The following MYH7 variants were observed in gnomAD, a reference collection of about 807,000 sequenced individuals.
MYH7 encodes myosin-7.
In MYH7, 129 loss-of-function variants were observed where a neutral mutation model predicts 225.4. The observed-to-expected ratio is 0.57, with a 90% CI of 0.50 to 0.66. The LOEUF is 0.66. MYH7 is among the 30% of genes least tolerant of loss of function. The probability of loss-of-function intolerance (pLI) is 0.00; values close to 1 mark genes in which losing one functional copy is unlikely to be tolerated. For missense variants in MYH7, 1,649 were observed against 2,517.0 expected (o/e 0.66, Z 7.38); for synonymous variants, 971 against 1,007.6 (o/e 0.96, Z 0.69).
Position 23,422,160 on chromosome 14 carries a change from G to A in MYH7, c.3245+20C>T, listed in dbSNP as rs747292416. ...TATGGGCTGGGGAGGAGGAAGGGCA[G>A]CAGGGAGGGGACACAGTACTTTTTC... On this transcript the variant is annotated intron_variant, in intron 25 of 39. Coordinates refer to ENST00000355349, the MANE Select transcript of MYH7 (RefSeq NM_000257.4). 5.0e-5 allele frequency: 80 copies of A among 1,612,170 alleles called. No individual in the cohort carries two copies. The highest frequency in any genetic ancestry group is 6.5e-5 in the Non-Finnish European group (77 of 1,180,024).
In MYH7 at chr14:23,433,380, G is replaced by A; in HGVS notation, c.201+152C>T. On this transcript the variant is annotated intron_variant, in intron 3 of 39. Transcript: ENST00000355349. The surrounding 1 kb of genome is among the most constrained non-coding windows in gnomAD (Gnocchi z 4.1). Reference sequence around the variant, plus strand: ...GACAGAAGGGATATTGGGAAGGAGAGGGCTCTTTGGAGGGTCTGGATTCTT... The same window carrying A: ...GACAGAAGGGATATTGGGAAGGAGAAGGCTCTTTGGAGGGTCTGGATTCTT... 7.0e-7 allele frequency: 1 copy of A among 1,433,156 alleles called. No individual in the cohort carries two copies. Among genetic ancestry groups the A allele is most frequent in the Non-Finnish European group, 9.7e-7 (1 of 1,033,850 alleles). 88.8% of individuals were successfully genotyped at this position (1,433,156 alleles called of 1,614,324 possible). A position where few individuals can be genotyped will look rare whatever the true frequency, so the allele number is the denominator to read the frequency against.
Position 23,413,880 on chromosome 14 carries a change from T to C in MYH7, c.5669A>G (p.Asn1890Ser), listed in dbSNP as rs1216145006. Residue 1890 changes from asparagine (N) to serine (S), a missense_variant, in exon 39 of 40, where the codon AAC (asparagine) becomes AGC (serine). This residue lies in a region of MYH7 where 687 missense variants were observed against 913.8 expected (regional missense o/e 0.75). Transcript: ENST00000355349. ...CTTGCGGAACTTGGACAGGTTGGTGTTGGCTTGCTCCTCCTGCGGGAGGTG... is the reference window on the plus strand; with the variant it reads ...CTTGCGGAACTTGGACAGGTTGGTGCTGGCTTGCTCCTCCTGCGGGAGGTG... ...RQAEEAEEQA[N>S]TNLSKFRKVQ... The C allele has an allele frequency of 6.2e-7, 1 of 1,614,128 alleles. No individual in the cohort carries two copies. Among genetic ancestry groups the C allele is most frequent in the Admixed American group, 1.7e-5 (1 of 60,012 alleles).
rs1248055152 is a variant in MYH7 at position 23,424,141 on chromosome 14, G to A, written c.2688C>T (p.Asp896=). Residue 896 remains aspartate, a synonymous_variant, in exon 23 of 40, where the codon GAC becomes GAT. Transcript: ENST00000355349. ...DLQLQVQAEQ[D]NLADAEERCD... ...AGCGCTCCTCAGCATCTGCCAGGTT[G>A]TCTTGTTCCTGAAGGTGAGGAACAG... is the stretch of plus-strand genomic sequence containing the variant. 6.2e-7 allele frequency: 1 copy of A among 1,614,154 alleles called. No homozygotes were observed. The highest frequency in any genetic ancestry group is 1.7e-5 in the Admixed American group (1 of 60,020).
chr14:23,415,556 G>T lies in MYH7; in HGVS notation c.5158-50C>A. 1 of 1,613,970 alleles carries T rather than the reference G, an allele frequency of 6.2e-7. No individual in the cohort carries two copies. Among genetic ancestry groups the T allele is most frequent in the East Asian group, 2.2e-5 (1 of 44,880 alleles). ...AGCAGGAAAAGCATTGAGCATCTATGCATAGCTCTCAAGCCTTGCTTGCTG... is the reference window on the plus strand; with the variant it reads ...AGCAGGAAAAGCATTGAGCATCTATTCATAGCTCTCAAGCCTTGCTTGCTG... On this transcript the variant is annotated intron_variant, in intron 35 of 39. Coordinates refer to ENST00000355349, the MANE Select transcript of MYH7 (RefSeq NM_000257.4). This position sits in a 1 kb window ranked among gnomAD's most constrained non-coding sequence, Gnocchi z 6.3.
At chr14:23,416,354 G>A in intron 33 of MYH7, 42 bp from the exon 34 acceptor site, 2 of 1,599,518 alleles carry the variant, frequency 1.3e-6, no homozygotes, top group Non-Finnish European at 1.7e-6. Flanking sequence ...AGACAGTCAG[G>A]GCACAGGGCA....
In MYH7 at chr14:23,415,487, T is replaced by C; in HGVS notation, c.5177A>G (p.Gln1726Arg). 6.2e-7 allele frequency: 1 copy of C among 1,614,226 alleles called. No individual in the cohort carries two copies. Among genetic ancestry groups the C allele is most frequent in the Non-Finnish European group, 8.5e-7 (1 of 1,180,034 alleles). The part of the protein sequence containing the change: ...LHSQNTSLIN[Q>R]KKKMDADLSQ... ...CAGGTCAGCATCCATCTTCTTCTTC[T>C]GGTTGATGAGGCTGGTGTTCTGGGT... The change falls in exon 36 of 40, where the codon CAG (glutamine) becomes CGG (arginine). Residue 1726 changes from glutamine to arginine, a missense_variant. Gln to Arg is a conservative substitution (Grantham distance 43, BLOSUM62 1). Coordinates refer to ENST00000355349, the MANE Select transcript of MYH7 (RefSeq NM_000257.4). This position sits in a 1 kb window ranked among gnomAD's most constrained non-coding sequence, Gnocchi z 6.3.
chr14:23,425,617 G>T lies in MYH7; in HGVS notation c.2286+78C>A, dbSNP rs1892663389. ...TACAGGTAAGAGATTTTGCTAAGAT[G>T]ATTACAACAGGAAAAGCATCAGAGG... On this transcript the variant is annotated intron_variant, in intron 20 of 39. Transcript: ENST00000355349. This position sits in a 1 kb window ranked among gnomAD's most constrained non-coding sequence, Gnocchi z 4.6. The T allele has an allele frequency of 2.5e-6, 4 of 1,609,518 alleles. No homozygotes were observed. Among genetic ancestry groups the T allele is most frequent in the Admixed American group, 1.7e-5 (1 of 60,010 alleles).
chr14:23,415,673 C>A lies in MYH7; in HGVS notation c.5113G>T (p.Glu1705Ter), dbSNP rs1892166399. ...TERSRKLAEQ[E>*]LIETSERVQL... ...ACCCGCTCACTAGTCTCAATCAGCTCCTGCTCCGCCAGCTTCCGGGACCGC... is the reference window on the plus strand; with the variant it reads ...ACCCGCTCACTAGTCTCAATCAGCTACTGCTCCGCCAGCTTCCGGGACCGC... Residue 1705 changes from glutamate to a stop codon, truncating the protein, a stop_gained, in exon 35 of 40, where the codon GAG becomes TAG. Transcript: ENST00000355349. LOFTEE classifies it high-confidence loss of function. This position sits in a 1 kb window ranked among gnomAD's most constrained non-coding sequence, Gnocchi z 6.3. 5.0e-6 allele frequency: 8 copies of A among 1,614,086 alleles called. No homozygotes were observed. The highest frequency in any genetic ancestry group is 6.8e-6 in the Non-Finnish European group (8 of 1,180,038).
rs1893025176 is a variant in MYH7, at chr14:23,433,389, G to T, written c.201+143C>A. On this transcript the variant is annotated intron_variant, in intron 3 of 39. Coordinates refer to ENST00000355349, the MANE Select transcript of MYH7 (RefSeq NM_000257.4). This position sits in a 1 kb window ranked among gnomAD's most constrained non-coding sequence, Gnocchi z 4.1. ...GATATTGGGAAGGAGAGGGCTCTTTGGAGGGTCTGGATTCTTCCCCAAAGG... is the reference window on the plus strand; with the variant it reads ...GATATTGGGAAGGAGAGGGCTCTTTTGAGGGTCTGGATTCTTCCCCAAAGG... 5.6e-6 allele frequency: 8 copies of T among 1,424,062 alleles called. No individual in the cohort carries two copies. Among genetic ancestry groups the T allele is most frequent in the Non-Finnish European group, 7.8e-6 (8 of 1,024,954 alleles). 88.2% of individuals were successfully genotyped at this position (1,424,062 alleles called of 1,614,324 possible).
Position 23,425,823 on chromosome 14 carries a change from G to T in MYH7, c.2163-5C>A, listed in dbSNP as rs1196971302. On this transcript the variant is annotated splice_polypyrimidine_tract_variant and splice_region_variant and intron_variant, in intron 19 of 39. Transcript: ENST00000355349. The surrounding 1 kb of genome is among the most constrained non-coding windows in gnomAD (Gnocchi z 4.6). ...GCTGGGTTCAGGATGCGATACCTGAGGAGGGAAGTGTCCAGAGTCACCCAT... is the reference window on the plus strand; with the variant it reads ...GCTGGGTTCAGGATGCGATACCTGATGAGGGAAGTGTCCAGAGTCACCCAT... 1 of 1,613,948 alleles carries T rather than the reference G, an allele frequency of 6.2e-7. No individual in the cohort carries two copies. Among genetic ancestry groups the T allele is most frequent in the South Asian group, 1.1e-5 (1 of 91,072 alleles).
At position 23,433,888 on chromosome 14, in the gene MYH7, A is replaced by T. The variant is rs568342120; in HGVS notation, c.-8-148T>A. On this transcript the variant is annotated intron_variant, in intron 2 of 39. Transcript: ENST00000355349. The surrounding 1 kb of genome is among the most constrained non-coding windows in gnomAD (Gnocchi z 4.1). ...AGTGAGTCCCTTCCTCTTTGAGGTT[A>T]CCCCTTAACCAGAGGAGCAGCCTAG... The T allele has an allele frequency of 8.8e-6, 7 of 796,318 alleles. No individual in the cohort carries two copies. The highest frequency in any genetic ancestry group is 8.6e-5 in the African/African-American group (5 of 57,914). 49.3% of individuals were successfully genotyped at this position (796,318 alleles called of 1,614,324 possible). A position where few individuals can be genotyped will look rare whatever the true frequency, so the allele number is the denominator to read the frequency against.
rs1892678512 is a variant in MYH7 at position 23,425,910 on chromosome 14, C to T, written c.2162+54G>A. On this transcript the variant is annotated intron_variant, in intron 19 of 39. Coordinates refer to ENST00000355349, the MANE Select transcript of MYH7 (RefSeq NM_000257.4). The surrounding 1 kb of genome is among the most constrained non-coding windows in gnomAD (Gnocchi z 4.6). ...GGTCACCTGCAGATCCCATTCCCAT[C>T]AGGGCAGCCTGGCTCCCCCTGTTCT... The T allele has an allele frequency of 1.2e-6, 2 of 1,612,914 alleles. No homozygotes were observed. The highest frequency in any genetic ancestry group is 1.7e-5 in the Admixed American group (1 of 60,028).
chr14:23,426,172 A>G (rs1266607617), intron 18 of MYH7, 91 bp from the exon 19 acceptor site: 14 of 1,409,422 alleles, frequency 9.9e-6, no homozygotes, highest in East Asian at 2.4e-5. Flanking sequence ...TTAGCTTGTA[A>G]TCTTAGCAAG....
intron 29 of MYH7, 82 bp downstream of exon 29, chr14:23,419,095 T>C (rs1221497215): frequency 4.1e-6 from 5 of 1,231,148 alleles, no homozygotes; most frequent in African/African-American, 3.5e-5. Context: ...GCCAGCCTTA[T>C]TGCTGGGAAG....
At chr14:23,431,561 A>C in intron 8 of MYH7, 24 bp downstream of exon 8, 1 of 1,614,178 alleles carries the variant, frequency 6.2e-7, no homozygotes, top group Non-Finnish European at 8.5e-7. Flanking sequence ...CCAAGTCCCA[A>C]GGCCAAGGTC....
rs2138659105 is a variant in MYH7 at position 23,422,295 on chromosome 14, C to A, written c.3130G>T (p.Val1044Leu). 6.2e-7 allele frequency: 1 copy of A among 1,614,220 alleles called. No homozygotes were observed. The highest frequency in any genetic ancestry group is 2.2e-5 in the East Asian group (1 of 44,878). The change falls in exon 25 of 40, where the codon GTG becomes TTG. Residue 1044 changes from valine (V) to leucine (L), a missense_variant. Val to Leu is a conservative substitution (Grantham distance 32). Transcript: ENST00000355349. The part of the protein sequence containing the change: ...LEGSLEQEKK[V>L]RMDLERAKRK... ...TTCGCTCGCTCCAGGTCCATGCGCA[C>A]CTTCTTCTCTTGCTCCAGGGATCCT... is the stretch of plus-strand genomic sequence containing the variant.
rs141735183 is a variant in MYH7, at chr14:23,420,222, C to A, written c.3349G>T (p.Glu1117Ter). The A allele has an allele frequency of 1.2e-6, 2 of 1,609,140 alleles. No individual in the cohort carries two copies. The highest frequency in any genetic ancestry group is 1.3e-5 in the African/African-American group (1 of 74,774). The change falls in exon 27 of 40, where the codon GAG becomes TAG. Residue 1117 changes from glutamate (E) to a stop codon, truncating the protein, a stop_gained. Coordinates refer to ENST00000355349, the MANE Select transcript of MYH7 (RefSeq NM_000257.4). LOFTEE classifies it high-confidence loss of function. ...TCGGCCTCCAGCTCCTCCTCCAGCTCCTCGATGCGTGCCTGGTCAGACACA... is the reference window on the plus strand; with the variant it reads ...TCGGCCTCCAGCTCCTCCTCCAGCTACTCGATGCGTGCCTGGTCAGACACA... ...KLKELQARIE[E>*]LEEELEAERT...
At chr14:23,423,857 C>T (rs775662903) in intron 23 of MYH7, 50 bp downstream of exon 23, 14 of 1,613,616 alleles carry the variant, frequency 8.7e-6, no homozygotes, top group Non-Finnish European at 5.1e-6. Flanking sequence ...TCAGTATGGT[C>T]TGAGAGTCCT....
intron 16 of MYH7, 53 bp downstream of exon 16, chr14:23,427,532 A>T: frequency 6.2e-7 from 1 of 1,604,446 alleles, no homozygotes; most frequent in Non-Finnish European, 8.5e-7. Flanking sequence ...CCTGGCTCAG[A>T]ACCTTGGCAG....
Sources: gnomAD v4.1 joint callset for allele counts on GRCh38, gnomAD v4.1.1 for gene constraint, gnomAD v4.1.1 regional missense constraint, Gnocchi (gnomAD v3.1) non-coding constraint, MANE v1.5 for transcripts, NCBI Gene and HGNC (gene_info 2026-07-23, HGNC 2026-07-21) for gene names.